TRPM1: variants seen among roughly 807,000 people sequenced by gnomAD.
TRPM1 encodes the protein transient receptor potential cation channel subfamily M member 1.
TRPM1 carries 113 observed loss-of-function variants against 149.4 expected under a neutral mutation model. The ratio of observed to expected loss-of-function variants is 0.76; its 90% CI spans 0.65 to 0.88. TRPM1 has a LOEUF of 0.88. Ranked by LOEUF, TRPM1 falls within the 40% of genes least tolerant of loss-of-function variation. TRPM1 has a pLI of 0.00. For synonymous variants in TRPM1, 741 were observed against 759.5 expected, an observed-to-expected ratio of 0.98 and a Z score of 0.40; for missense variants, 1,976 against 2,038.7, an observed-to-expected ratio of 0.97 and a Z score of 0.59.
chr15:31,096,384 G>T (rs2035386297), intron 1 of TRPM1, among the ~76,000 whole-genome samples: 1 of 152,214 alleles, frequency 6.6e-6, no homozygotes, highest in Non-Finnish European at 1.5e-5. Flanking sequence ...ACAGGAGAGA[G>T]AAGCAGAATC....
chr15:31,077,088 G>C (rs2034716480), intron 2 of TRPM1, 104 bp from the exon 3 acceptor site: 3 of 760,554 alleles, frequency 3.9e-6, no homozygotes. Context: ...CACAACATCT[G>C]AATAGTCATC....
At chr15:31,064,148 C>A (rs1017658063) in intron 7 of TRPM1, among the ~76,000 whole-genome samples, 8 of 152,216 alleles carry the variant, frequency 5.3e-5, no homozygotes, top group Non-Finnish European at 1.0e-4. Flanking sequence ...TTAACTCCTG[C>A]AGTTGTAAAA....
At chr15:31,148,814 AC>A (rs1190946674) in intron 1 of TRPM1, among the ~76,000 whole-genome samples, 2 of 152,140 alleles carry the variant, frequency 1.3e-5, no homozygotes, top group Non-Finnish European at 2.9e-5. Context: ...CACAGACACC[AC>A]CCCAGGGTAG....
intron 27 of TRPM1, among the ~76,000 whole-genome samples, chr15:31,011,666 CTTTTT>C (rs71106664): frequency 7.2e-6 from 1 of 138,888 alleles, no homozygotes. Flanking sequence ...ATGCCAATTA[CTTTTT>C]TTTTTTTTTT....
chr15:31,036,142 C>T (rs1404512430), intron 20 of TRPM1, among the ~76,000 whole-genome samples: 5 of 152,116 alleles, frequency 3.3e-5, no homozygotes, highest in Non-Finnish European at 7.3e-5. Context: ...TGCGAGCTGA[C>T]CCTAGAGTCC....
chr15:31,054,901 A>G (rs2034043522), intron 11 of TRPM1, among the ~76,000 whole-genome samples: 1 of 152,176 alleles, frequency 6.6e-6, no homozygotes, highest in Admixed American at 6.5e-5. Flanking sequence ...TTCTTAACTG[A>G]GACTTTGTAC....
intron 27 of TRPM1, among the ~76,000 whole-genome samples, chr15:31,009,025 T>G (rs1385405935): frequency 6.6e-6 from 1 of 152,232 alleles, no homozygotes; most frequent in Admixed American, 6.5e-5. Flanking sequence ...TTTTTGATGT[T>G]CCAAGTTCAA....
intron 16 of TRPM1, among the ~76,000 whole-genome samples, chr15:31,043,394 G>A (rs548385058): frequency 1.6e-4 from 25 of 152,010 alleles, no homozygotes; most frequent in African/African-American, 3.1e-4. Context: ...GGGTTTCACC[G>A]TGTTAGCCAG....
chr15:31,091,957 C>T (rs183065570), intron 1 of TRPM1, among the ~76,000 whole-genome samples: 254 of 152,314 alleles, frequency 1.7e-3, no homozygotes, highest in African/African-American at 5.7e-3. Context: ...CTTGCAAAGC[C>T]CTCTTACGAG....
chr15:31,070,552 G>A (rs766058623), intron 3 of TRPM1: 3 of 539,088 alleles, frequency 5.6e-6, no homozygotes, highest in African/African-American at 3.7e-5. Flanking sequence ...CATGCCCTCC[G>A]AACATAGAGT....
intron 1 of TRPM1, among the ~76,000 whole-genome samples, chr15:31,087,430 A>G (rs2035034972): frequency 6.6e-6 from 1 of 151,086 alleles, no homozygotes; most frequent in Admixed American, 6.6e-5. Flanking sequence ...TTTTTTGTGT[A>G]TTTTTAGTAG....
At chr15:31,133,096 C>T (rs1398448343) in intron 1 of TRPM1, among the ~76,000 whole-genome samples, 1 of 152,140 alleles carries the variant, frequency 6.6e-6, no homozygotes, top group African/African-American at 2.4e-5. Context: ...TCTCTGTGAC[C>T]CCTGAGGAAT....
rs563874369 is a variant in TRPM1 at position 31,070,079 on chromosome 15, G to A, written c.231C>T (p.Ser77=). Residue 77 remains serine, a synonymous_variant, in exon 4 of 28, where the codon TCC becomes TCT. Coordinates refer to ENST00000256552, the MANE Select transcript of TRPM1 (RefSeq NM_001252024.2). ...AKHTQSYPTD[S]YGVLEFQGGG... ...CACCCTGGAATTCAAGAACTCCATA[G>A]GAATCTGTTGGGTAGCTCTGGGTGT... 1.9e-6 allele frequency: 3 copies of A among 1,614,188 alleles called. No homozygotes were observed. The highest frequency in any genetic ancestry group is 1.7e-5 in the Admixed American group (1 of 60,016).
intron 9 of TRPM1, 89 bp downstream of exon 9, chr15:31,062,489 TA>T: frequency 6.5e-7 from 1 of 1,532,508 alleles, no homozygotes. Flanking sequence ...AAAATATGAA[TA>T]ACCCTGTCAT....
upstream of TRPM1, among the ~76,000 whole-genome samples, chr15:31,106,027 G>A (rs1480121194): frequency 1.3e-5 from 2 of 152,080 alleles, no homozygotes; most frequent in Non-Finnish European, 2.9e-5. Flanking sequence ...TAAGTGAAAC[G>A]TTTGCATTTT....
chr15:31,097,465 A>G (rs2035415614), intron 1 of TRPM1, among the ~76,000 whole-genome samples: 1 of 152,128 alleles, frequency 6.6e-6, no homozygotes, highest in Non-Finnish European at 1.5e-5. Flanking sequence ...TTTCACTTCC[A>G]TGGATCGATC....
intron 2 of TRPM1, among the ~76,000 whole-genome samples, chr15:31,077,471 G>C (rs974786104): frequency 6.6e-5 from 10 of 152,138 alleles, no homozygotes; most frequent in Admixed American, 6.5e-4. Context: ...ATCTCACACA[G>C]AGGCTGGGCA....
At chr15:31,088,564 C>G (rs747582027) in intron 1 of TRPM1, among the ~76,000 whole-genome samples, 4 of 152,208 alleles carry the variant, frequency 2.6e-5, no homozygotes, top group African/African-American at 9.6e-5. Flanking sequence ...AAGTCTGCGG[C>G]TTCACTGCTG....
chr15:31,101,537 T>G, intron 1 of TRPM1, 120 bp downstream of exon 1: 50 of 541,608 alleles, frequency 9.2e-5, no homozygotes, highest in East Asian at 1.5e-4. Flanking sequence ...TACCAACACC[T>G]GAGCTTAACT....
Sources: gnomAD v4.1 joint callset for allele counts (sites outside exome capture counted in the v4.1 genomes callset) on GRCh38, gnomAD v4.1.1 for gene constraint, MANE v1.5 for transcripts, NCBI Gene and HGNC (gene_info 2026-07-23, HGNC 2026-07-21) for gene names.